MKNK2: variants seen among roughly 807,000 people sequenced by gnomAD.
The protein encoded by MKNK2 is MAP kinase-interacting serine/threonine-protein kinase 2.
Under a neutral mutation model 55.0 loss-of-function variants are expected in MKNK2, and 54 were observed. That is an observed-to-expected ratio of 0.98 (90% CI 0.79 to 1.23). The LOEUF is 1.23. MKNK2 is among the 50% of genes most tolerant of loss of function. The pLI is 0.00. For synonymous variants in MKNK2, 323 were observed against 256.0 expected, an observed-to-expected ratio of 1.26 and a Z score of -2.50; for missense variants, 685 against 632.1, an observed-to-expected ratio of 1.08 and a Z score of -0.90.
chr19:2,041,702 AGGGTTAG>A (rs2016886727), intron 11 of MKNK2, 131 bp downstream of exon 11: 1 of 649,206 alleles, frequency 1.5e-6, no homozygotes, highest in Non-Finnish European at 2.5e-6. Context: ...CAGGTCCCCG[AGGGTTAG>A]GGGGTGGTCA....
chr19:2,038,949 C>G lies in MKNK2; in HGVS notation c.*664G>C. The G allele has an allele frequency of 4.1e-6, 4 of 985,910 alleles. No individual in the cohort carries two copies. Among genetic ancestry groups the G allele is most frequent in the Non-Finnish European group, 4.8e-6 (4 of 829,998 alleles). The allele number at this position is 985,910 out of a possible 1,614,324, so 61.1% of individuals were successfully genotyped here. On this transcript the variant is annotated 3_prime_UTR_variant, in exon 14 of 14. Transcript: ENST00000250896. ...CAGGAGTCCTGGACAGACAGACGGG[C>G]CTTGCAGGAAGCCCCGATTGTCAAC...
chr19:2,040,039 A>AC, intron 13 of MKNK2, 95 bp downstream of exon 13: 1 of 1,447,388 alleles, frequency 6.9e-7, no homozygotes, highest in Non-Finnish European at 9.5e-7. Flanking sequence ...TGCCTCCCCG[A>AC]CCCCAAAGCA....
Position 2,039,075 on chromosome 19 carries a change from G to A in MKNK2, c.*538C>T. ...TGCCTGCCTGACACCTCCAGAGACA[G>A]GCAGCCCCTCCCTTCCCCAACCAAG... On this transcript the variant is annotated 3_prime_UTR_variant, in exon 14 of 14. Coordinates refer to ENST00000250896, the MANE Select transcript of MKNK2 (RefSeq NM_199054.3). 1.0e-6 allele frequency: 1 copy of A among 986,938 alleles called. No individual in the cohort carries two copies. The highest frequency in any genetic ancestry group is 1.2e-6 in the Non-Finnish European group (1 of 830,686). 61.1% of individuals were successfully genotyped at this position (986,938 alleles called of 1,614,324 possible). A position where few individuals can be genotyped will look rare whatever the true frequency, so the allele number is the denominator to read the frequency against.
rs1202274328 is a variant in MKNK2, at chr19:2,050,914, G to A, written c.-63C>T. On this transcript the variant is annotated 5_prime_UTR_variant, in exon 2 of 14. Transcript: ENST00000250896. ...GGGCCCGGGGGGAGGCCCGAGGGCGGGCGGCCGGGCGGGGGGCGGCCGAGG... is the reference window on the plus strand; with the variant it reads ...GGGCCCGGGGGGAGGCCCGAGGGCGAGCGGCCGGGCGGGGGGCGGCCGAGG... 7.0e-6 allele frequency: 9 copies of A among 1,280,492 alleles called. No individual in the cohort carries two copies. Among genetic ancestry groups the A allele is most frequent in the Non-Finnish European group, 9.5e-6 (9 of 947,222 alleles). 79.3% of individuals were successfully genotyped at this position (1,280,492 alleles called of 1,614,324 possible).
Position 2,050,938 on chromosome 19 carries a change from G to A in MKNK2, c.-87C>T. ...GGGCGGCCGGGCGGGGGGCGGCCGA[G>A]GAGGGGACCCTGCGGGCGGGAGCAG... is the stretch of plus-strand genomic sequence containing the variant. On this transcript the variant is annotated 5_prime_UTR_variant, in exon 2 of 14. Coordinates refer to ENST00000250896, the MANE Select transcript of MKNK2 (RefSeq NM_199054.3). 2 of 896,460 alleles carry A rather than the reference G, an allele frequency of 2.2e-6. No homozygotes were observed. The highest frequency in any genetic ancestry group is 1.8e-5 in the South Asian group (1 of 55,960). The allele number at this position is 896,460 out of a possible 1,614,324, so 55.5% of individuals were successfully genotyped here. A position where few individuals can be genotyped will look rare whatever the true frequency, so the allele number is the denominator to read the frequency against.
chr19:2,046,732 C>G, intron 2 of MKNK2, 41 bp from the exon 3 acceptor site: 1 of 1,448,662 alleles, frequency 6.9e-7, no homozygotes, highest in Non-Finnish European at 9.2e-7. Flanking sequence ...GGCCCCATCC[C>G]TGCCCACGCA....
chr19:2,039,879 G>A (rs2016838373), intron 13 of MKNK2, 23 bp from the exon 14 acceptor site: 9 of 1,580,092 alleles, frequency 5.7e-6, no homozygotes, highest in Non-Finnish European at 7.7e-6. Flanking sequence ...GTGGGGGTAG[G>A]TGGTCACCAA....
intron 10 of MKNK2, 78 bp downstream of exon 10, chr19:2,042,349 T>G: frequency 7.6e-7 from 1 of 1,309,996 alleles, no homozygotes; most frequent in South Asian, 1.3e-5. Flanking sequence ...CTGGAGCTGC[T>G]GGATGGCCCA....
intron 13 of MKNK2, 49 bp downstream of exon 13, chr19:2,040,085 A>T (rs1347190504): frequency 6.5e-7 from 1 of 1,547,024 alleles, no homozygotes; most frequent in Non-Finnish European, 8.8e-7. Flanking sequence ...TTAACCTGGA[A>T]ACCCCGCCCC....
At chr19:2,040,945 G>T in intron 12 of MKNK2, 95 bp downstream of exon 12, 1 of 1,242,142 alleles carries the variant, frequency 8.1e-7, no homozygotes, top group Non-Finnish European at 1.2e-6. Flanking sequence ...ATCTCAGGGT[G>T]TCCAGGCTAC....
At position 2,042,561 on chromosome 19, in the gene MKNK2, C is replaced by G. The variant is rs767628631; in HGVS notation, c.655-39G>C. 8.2e-6 allele frequency: 13 copies of G among 1,576,670 alleles called. No individual in the cohort carries two copies. In the African/African-American group the frequency reaches 1.1e-4, roughly 13 times the overall value. ...AAAGGTCCGTGAGCCTGGGGTCCCACGCGGTCCACCCCTCCCGCGGGGCCA... is the reference window on the plus strand; with the variant it reads ...AAAGGTCCGTGAGCCTGGGGTCCCAGGCGGTCCACCCCTCCCGCGGGGCCA... On this transcript the variant is annotated intron_variant, in intron 9 of 13. Coordinates refer to ENST00000250896, the MANE Select transcript of MKNK2 (RefSeq NM_199054.3).
At position 2,041,899 on chromosome 19, in the gene MKNK2, C is replaced by G. The variant is rs2016892706; in HGVS notation, c.886G>C (p.Val296Leu). The change falls in exon 11 of 14, where the codon GTG becomes CTG. Residue 296 changes from valine (V) to leucine (L), a missense_variant. Transcript: ENST00000250896. ...YILLSGYPPF[V>L]GRCGSDCGWD... ...CCGCAGTCGCTGCCACAGCGGCCCA[C>G]GAAGGGCGGGTAGCCGCTGAGTAGG... The G allele has an allele frequency of 6.5e-7, 1 of 1,544,782 alleles. No homozygotes were observed. Among genetic ancestry groups the G allele is most frequent in the Non-Finnish European group, 8.7e-7 (1 of 1,144,268 alleles).
At chr19:2,050,333 A>G (rs1351056910) in intron 2 of MKNK2, among the ~76,000 whole-genome samples, 3 of 152,328 alleles carry the variant, frequency 2.0e-5, no homozygotes, top group East Asian at 3.9e-4. Flanking sequence ...TCTGAAAGAA[A>G]GTCCCCAGAA....
intron 3 of MKNK2, 33 bp downstream of exon 3, chr19:2,046,571 G>A (rs1458766458): frequency 2.6e-6 from 4 of 1,554,758 alleles, no homozygotes; most frequent in South Asian, 1.2e-5. Flanking sequence ...GACAGCAGCT[G>A]CCCTGTGCCC....
chr19:2,046,514 C>T (rs372954345), intron 3 of MKNK2, 46 bp from the exon 4 acceptor site: 15 of 1,570,392 alleles, frequency 9.6e-6, no homozygotes, highest in Admixed American at 7.4e-5. Flanking sequence ...TGGCCCTGGC[C>T]GGCCGGCCCC....
chr19:2,046,161 TC>T, intron 5 of MKNK2, 24 bp downstream of exon 5: 1 of 1,602,708 alleles, frequency 6.2e-7, no homozygotes. Context: ...GGCGCTGGGT[TC>T]CCCAGGGCGC....
In MKNK2 at chr19:2,039,116, T is replaced by G; in HGVS notation, c.*497A>C. 1.0e-6 allele frequency: 1 copy of G among 988,396 alleles called. No individual in the cohort carries two copies. The highest frequency in any genetic ancestry group is 1.2e-6 in the Non-Finnish European group (1 of 831,650). 61.2% of individuals were successfully genotyped at this position (988,396 alleles called of 1,614,324 possible). ...CCCAACCAAGCCACCAGGGGTGCTC[T>G]CAGGGTGAGGGATAGAGGGGAAGAG... On this transcript the variant is annotated 3_prime_UTR_variant, in exon 14 of 14. Coordinates refer to ENST00000250896, the MANE Select transcript of MKNK2 (RefSeq NM_199054.3).
Position 2,037,812 on chromosome 19 carries a change from A to G in MKNK2, c.*1801T>C, listed in dbSNP as rs1599375466. 1 of 1,589,466 alleles carries G rather than the reference A, an allele frequency of 6.3e-7. No individual in the cohort carries two copies. Among genetic ancestry groups the G allele is most frequent in the Non-Finnish European group, 8.6e-7 (1 of 1,164,608 alleles). On this transcript the variant is annotated 3_prime_UTR_variant, in exon 14 of 14. Coordinates refer to ENST00000250896, the MANE Select transcript of MKNK2 (RefSeq NM_199054.3). ...GATGCGACAGGGGTGGGGAGGGAGG[A>G]GGAAGTGACTGTCCCACCTTCAGAA... is the stretch of plus-strand genomic sequence containing the variant.
intron 2 of MKNK2, among the ~76,000 whole-genome samples, chr19:2,049,759 G>A (rs2017073677): frequency 6.6e-6 from 1 of 152,204 alleles, no homozygotes; most frequent in South Asian, 2.1e-4. Flanking sequence ...GATGGTGCCA[G>A]GCCTGCTGCC....
Sources: gnomAD v4.1 joint callset for allele counts (sites outside exome capture counted in the v4.1 genomes callset) on GRCh38, gnomAD v4.1.1 for gene constraint, MANE v1.5 for transcripts, NCBI Gene and HGNC (gene_info 2026-07-23, HGNC 2026-07-21) for gene names.